KLF12: variants seen among roughly 807,000 people sequenced by gnomAD.
KLF12 encodes KLF transcription factor 12.
Under a neutral mutation model 37.8 loss-of-function variants are expected in KLF12, and 9 were observed. That is an observed-to-expected ratio of 0.24 (90% confidence interval 0.14 to 0.42). The LOEUF is 0.42. Ranked by LOEUF, KLF12 falls within the 10% of genes least tolerant of loss-of-function variation. KLF12 has a pLI of 1.00. For synonymous variants in KLF12, 208 were observed against 202.1 expected, an observed-to-expected ratio of 1.03 and a Z score of -0.25; for missense variants, 411 against 516.0, an observed-to-expected ratio of 0.80 and a Z score of 1.97.
At chr13:73,840,192 T>C (rs945851261) in intron 4 of KLF12, among the ~76,000 whole-genome samples, 3 of 152,168 alleles carry the variant, frequency 2.0e-5, no homozygotes, top group Non-Finnish European at 4.4e-5. Context: ...AAGCTGCTCT[T>C]GAAAACACGC....
chr13:73,966,162 CA>C (rs1891166442), intron 2 of KLF12, among the ~76,000 whole-genome samples: 1 of 152,138 alleles, frequency 6.6e-6, no homozygotes, highest in South Asian at 2.1e-4. Context: ...ATAAAAATCA[CA>C]AATGATAATT....
At chr13:74,254,694 G>A in the KLF12 span, among the ~76,000 whole-genome samples, 1 of 152,168 alleles carries the variant, frequency 6.6e-6, no homozygotes, top group South Asian at 2.1e-4. Flanking sequence ...GAGGCTCGGA[G>A]CTAGACAGGG....
At chr13:73,824,013 C>T (rs1883688772) in intron 4 of KLF12, among the ~76,000 whole-genome samples, 1 of 151,942 alleles carries the variant, frequency 6.6e-6, no homozygotes, top group Non-Finnish European at 1.5e-5. Flanking sequence ...CTTGGCCTGG[C>T]CTCTTCTTAA....
chr13:73,940,034 T>C (rs1285902724), intron 3 of KLF12, among the ~76,000 whole-genome samples: 1 of 152,136 alleles, frequency 6.6e-6, no homozygotes, highest in African/African-American at 2.4e-5. Context: ...CCCAATGTCA[T>C]TCCAGCTGGT....
intron 2 of KLF12, among the ~76,000 whole-genome samples, chr13:73,964,675 C>A (rs1891125417): frequency 6.6e-6 from 1 of 151,294 alleles, no homozygotes; most frequent in African/African-American, 2.4e-5. Context: ...TTGGACCCCC[C>A]AATTCTTTCA....
chr13:74,304,125 T>C, the KLF12 span, among the ~76,000 whole-genome samples: 1 of 152,142 alleles, frequency 6.6e-6, no homozygotes. Context: ...AACCCAAGCC[T>C]AGTGAGTACA....
At chr13:74,144,250 G>T in the KLF12 span, among the ~76,000 whole-genome samples, 4 of 152,166 alleles carry the variant, frequency 2.6e-5, no homozygotes, top group African/African-American at 7.2e-5. Context: ...CAATTACAAG[G>T]ATTTTGCACA....
chr13:73,731,981 T>A (rs1877091176), intron 6 of KLF12, among the ~76,000 whole-genome samples: 1 of 152,226 alleles, frequency 6.6e-6, no homozygotes, highest in African/African-American at 2.4e-5. Context: ...TAAAAAGAAT[T>A]AGGGTTATGA....
chr13:74,244,410 A>G, the KLF12 span, among the ~76,000 whole-genome samples: 1 of 152,114 alleles, frequency 6.6e-6, no homozygotes, highest in Non-Finnish European at 1.5e-5. Context: ...TTCCCTCCAA[A>G]CTTATCACTT....
intron 1 of KLF12, among the ~76,000 whole-genome samples, chr13:74,078,155 C>T (rs1393351887): frequency 1.3e-5 from 2 of 152,240 alleles, no homozygotes; most frequent in East Asian, 3.9e-4. Flanking sequence ...AGTTCTGGAA[C>T]CTACAAGAGC....
At chr13:73,925,589 C>T (rs1266073098) in intron 3 of KLF12, among the ~76,000 whole-genome samples, 1 of 152,208 alleles carries the variant, frequency 6.6e-6, no homozygotes, top group Non-Finnish European at 1.5e-5. Flanking sequence ...TTTGCTAACA[C>T]ATCCATTCTG....
rs928592686 is a variant in KLF12 at position 73,866,751 on chromosome 13, C to G, written c.124-20378G>C. Among the ~76,000 whole-genome samples, 5 of 150,840 alleles carry G rather than the reference C, an allele frequency of 3.3e-5. No homozygotes were observed. In the East Asian group the frequency reaches 5.9e-4, roughly 18 times the overall value. On this transcript the variant is annotated intron_variant, in intron 3 of 7. Transcript: ENST00000377669. Reference sequence around the variant, plus strand: ...TCCCTAATATAGAAATATGGAAATACAAGAAAGAAAAAAGAGCAAAGGAAA... The same window carrying G: ...TCCCTAATATAGAAATATGGAAATAGAAGAAAGAAAAAAGAGCAAAGGAAA...
intron 1 of KLF12, among the ~76,000 whole-genome samples, chr13:74,014,671 C>T (rs1320037614): frequency 6.6e-6 from 1 of 152,298 alleles, no homozygotes; most frequent in East Asian, 1.9e-4. Context: ...GCTGACATTT[C>T]AGTTATAACC....
At chr13:73,701,647 T>A (rs550703544) in intron 7 of KLF12, among the ~76,000 whole-genome samples, 47 of 152,214 alleles carry the variant, frequency 3.1e-4, no homozygotes, top group African/African-American at 1.1e-3. Flanking sequence ...GTTTTTTTTG[T>A]TTTTAAGTTG....
At chr13:74,303,266 T>A in the KLF12 span, among the ~76,000 whole-genome samples, 1 of 152,180 alleles carries the variant, frequency 6.6e-6, no homozygotes, top group African/African-American at 2.4e-5. Context: ...GCTTGGCACA[T>A]GGCAGTTGCC....
chr13:74,158,889 C>T, the KLF12 span, among the ~76,000 whole-genome samples: 1 of 152,066 alleles, frequency 6.6e-6, no homozygotes, highest in South Asian at 2.1e-4. Flanking sequence ...AAAAGTCACC[C>T]ATCAATCAGG....
Position 73,846,368 on chromosome 13 carries a change from T to G in KLF12, c.129A>C (p.Pro43=). ...CCATATCGGGATAGTTGTGGACGTT[T>G]GGAGACTGTGGGGAGAAAAATGGAA... Residue 43 remains proline, a synonymous_variant, in exon 4 of 8, where the codon CCA becomes CCC. Coordinates refer to ENST00000377669, the MANE Select transcript of KLF12 (RefSeq NM_007249.5). 6.2e-7 allele frequency: 1 copy of G among 1,609,314 alleles called. No homozygotes were observed. Among genetic ancestry groups the G allele is most frequent in the African/African-American group, 1.3e-5 (1 of 74,716 alleles).
chr13:73,997,918 T>C (rs1892165262), intron 1 of KLF12, among the ~76,000 whole-genome samples: 1 of 152,196 alleles, frequency 6.6e-6, no homozygotes, highest in Non-Finnish European at 1.5e-5. Context: ...ACCAAAATAT[T>C]GCTGCCTGGA....
At chr13:73,945,228 G>T (rs1890366445) in intron 2 of KLF12, among the ~76,000 whole-genome samples, 1 of 152,166 alleles carries the variant, frequency 6.6e-6, no homozygotes, top group Non-Finnish European at 1.5e-5. Flanking sequence ...CAGCACTTTG[G>T]GAGGCTGAGG....
Sources: gnomAD v4.1 joint callset for allele counts (sites outside exome capture counted in the v4.1 genomes callset) on GRCh38, gnomAD v4.1.1 for gene constraint, MANE v1.5 for transcripts, NCBI Gene and HGNC (gene_info 2026-07-23, HGNC 2026-07-21) for gene names.